KCNN1: variants seen among roughly 807,000 people sequenced by gnomAD.
KCNN1 encodes the protein small conductance calcium-activated potassium channel protein 1.
In KCNN1, 20 loss-of-function variants were observed where a neutral mutation model predicts 44.7. That is an observed-to-expected ratio of 0.45 (90% CI 0.32 to 0.65). The LOEUF (loss-of-function observed/expected upper bound fraction) is 0.65, where lower values mean the gene tolerates loss of function less well. Among genes scored for constraint, KCNN1 ranks in the 30% least tolerant of loss-of-function variants. KCNN1 has a pLI of 0.05. For synonymous variants in KCNN1, 324 were observed against 341.7 expected (o/e 0.95, Z 0.57); for missense variants, 632 against 785.3 (o/e 0.80, Z 2.33).
chr19:17,964,078 G>A (rs2031743044), upstream of KCNN1, among the ~76,000 whole-genome samples: 2 of 152,198 alleles, frequency 1.3e-5, no homozygotes, highest in South Asian at 4.1e-4. The surrounding 1 kb of genome is among the most constrained non-coding windows in gnomAD (Gnocchi z 4.3). Context: ...CCCAGCACCA[G>A]GCTCAGAGAA....
rs768174186 is a variant in KCNN1 at position 17,988,475 on chromosome 19, G to T, written c.1120G>T (p.Ala374Ser). 2 of 1,613,884 alleles carry T rather than the reference G, an allele frequency of 1.2e-6. No individual in the cohort carries two copies. The highest frequency in any genetic ancestry group is 1.7e-6 in the Non-Finnish European group (2 of 1,179,954). Residue 374 changes from alanine (A) to serine (S), a missense_variant, in exon 6 of 10, where the codon GCT becomes TCT. Physicochemically the swap from Ala to Ser is moderately conservative, Grantham distance 99. Coordinates refer to ENST00000684775, the MANE Select transcript of KCNN1 (RefSeq NM_001386974.1). ...VVARKLELTK[A>S]EKHVHNFMMD... is the part of the protein sequence containing the mutation. The stretch of plus-strand genomic sequence containing the variant: ...GGCTCGGAAGCTGGAGCTCACCAAG[G>T]CTGAGAAGCACGTGCACAACTTCAT...
intron 6 of KCNN1, 71 bp downstream of exon 6, chr19:17,988,596 C>T (rs1211462999): frequency 2.7e-6 from 3 of 1,128,400 alleles, no homozygotes; most frequent in Non-Finnish European, 3.9e-6. Context: ...CCTGCTTTCC[C>T]TCTGTACGTG....
intron 1 of KCNN1, among the ~76,000 whole-genome samples, chr19:17,969,583 C>G (rs1009097993): frequency 2.6e-5 from 4 of 152,138 alleles, no homozygotes; most frequent in Admixed American, 2.0e-4. Flanking sequence ...CACCTTAGGA[C>G]GCGGCTGCCA....
chr19:17,990,387 G>A (rs958215645), intron 7 of KCNN1, among the ~76,000 whole-genome samples: 1 of 151,184 alleles, frequency 6.6e-6, no homozygotes, highest in African/African-American at 2.5e-5. Flanking sequence ...GGGAGGCTGA[G>A]GTGGAAGGAT....
Position 17,989,722 on chromosome 19 carries a change from A to T in KCNN1, c.1177A>T (p.Asn393Tyr). The T allele has an allele frequency of 1.2e-6, 2 of 1,613,818 alleles. No homozygotes were observed. Residue 393 changes from asparagine (N) to tyrosine (Y), a missense_variant, in exon 7 of 10, where the codon AAC becomes TAC. Coordinates refer to ENST00000684775, the MANE Select transcript of KCNN1 (RefSeq NM_001386974.1). ...GTTCTTTTTCTGGCCCCAGGTAAAA[A>T]ACGCCGCTGCTAACGTTCTCAGGGA... ...MDTQLTKRVK[N>Y]AAANVLRETW... is the part of the protein sequence containing the mutation.
chr19:17,970,444 A>C (rs1046233183), intron 1 of KCNN1, among the ~76,000 whole-genome samples: 1 of 151,032 alleles, frequency 6.6e-6, no homozygotes, highest in Non-Finnish European at 1.5e-5. Flanking sequence ...CAGCCTCCCA[A>C]GTAGCTGGGA....
At chr19:17,959,978 G>C (rs1170715925) in intron 2 of KCNN1, among the ~76,000 whole-genome samples, 1 of 151,988 alleles carries the variant, frequency 6.6e-6, no homozygotes, top group Non-Finnish European at 1.5e-5. Context: ...AGCTACTCAG[G>C]AGGCTGAGAC....
At position 17,993,596 on chromosome 19, in the gene KCNN1, G is replaced by T; in HGVS notation, c.1377+37G>T. ...GGGGCAGGGTGGGCCAGACAGGGCA[G>T]GTGGGGCCCCGGAGCAGATGGGATG... is the stretch of plus-strand genomic sequence containing the variant. On this transcript the variant is annotated intron_variant, in intron 9 of 9. Transcript: ENST00000684775. The surrounding 1 kb of genome is among the most constrained non-coding windows in gnomAD (Gnocchi z 4.5). 6.3e-7 allele frequency: 1 copy of T among 1,599,756 alleles called. No individual in the cohort carries two copies. The highest frequency in any genetic ancestry group is 8.6e-7 in the Non-Finnish European group (1 of 1,167,354).
chr19:17,961,743 C>T (rs1475744109), intron 2 of KCNN1, among the ~76,000 whole-genome samples: 1 of 152,018 alleles, frequency 6.6e-6, no homozygotes, highest in African/African-American at 2.4e-5. Flanking sequence ...CTACCATGCT[C>T]AGCTAAGTTT....
intron 2 of KCNN1, among the ~76,000 whole-genome samples, chr19:17,959,842 T>A (rs944154493): frequency 6.6e-6 from 1 of 151,994 alleles, no homozygotes; most frequent in African/African-American, 2.4e-5. Context: ...CCTAGCACTT[T>A]GGGAGGCTGA....
intron 9 of KCNN1, among the ~76,000 whole-genome samples, chr19:17,994,582 C>A (rs1435583511): frequency 2.0e-5 from 3 of 151,700 alleles, no homozygotes; most frequent in African/African-American, 7.3e-5. Context: ...CTTGCTCTGT[C>A]ACCCAGGCTG....
In KCNN1 at chr19:17,983,799, AC is replaced by A. The variant is rs541945898; in HGVS notation, c.918-1506del. On this transcript the variant is annotated intron_variant, in intron 4 of 9. Coordinates refer to ENST00000684775, the MANE Select transcript of KCNN1 (RefSeq NM_001386974.1). This position sits in a 1 kb window ranked among gnomAD's most constrained non-coding sequence, Gnocchi z 4.5. Reference sequence around the variant, plus strand: ...CTCACCCACCCACCGACTAGAGGGCACCCCCCCGCCCCTCCTGCCCTCTGGG... The same window carrying A: ...CTCACCCACCCACCGACTAGAGGGCACCCCCCGCCCCTCCTGCCCTCTGGG... 6.7e-6 allele frequency among the ~76,000 whole-genome samples: 1 copy of A among 149,008 alleles called. No homozygotes were observed. Among genetic ancestry groups the A allele is most frequent in the East Asian group, 2.0e-4 (1 of 5,042 alleles).
rs370682509 is a variant in KCNN1 at position 17,988,486 on chromosome 19, C to T, written c.1131C>T (p.His377=). Residue 377 remains histidine, a synonymous_variant, in exon 6 of 10, where the codon CAC becomes CAT. Coordinates refer to ENST00000684775, the MANE Select transcript of KCNN1 (RefSeq NM_001386974.1). ...RKLELTKAEK[H]VHNFMMDTQL... The stretch of plus-strand genomic sequence containing the variant: ...TGGAGCTCACCAAGGCTGAGAAGCA[C>T]GTGCACAACTTCATGATGGACACTC... 1.4e-5 allele frequency: 22 copies of T among 1,613,754 alleles called. No individual in the cohort carries two copies. Among genetic ancestry groups the T allele is most frequent in the African/African-American group, 1.1e-4 (8 of 74,930 alleles).
Position 17,987,414 on chromosome 19 carries a change from T to C in KCNN1, c.1060-1001T>C, listed in dbSNP as rs113729076. On this transcript the variant is annotated intron_variant, in intron 5 of 9. Transcript: ENST00000684775. ...TGCAAGCCACTGCACCTGGTCCGTG[T>C]CTGCTTTTTTGCTGGCAGCCCAGCA... Among the ~76,000 whole-genome samples, 1,254 of 152,252 alleles carry C rather than the reference T, an allele frequency of 8.2e-3. 7 individuals carry two copies. The highest frequency in any genetic ancestry group is 0.028 in the African/African-American group (1,145 of 41,552).
intron 2 of KCNN1, among the ~76,000 whole-genome samples, chr19:17,958,968 G>A (rs948618363): frequency 2.7e-5 from 4 of 149,730 alleles, no homozygotes; most frequent in Non-Finnish European, 5.9e-5. Flanking sequence ...CTAAAGTGCT[G>A]GGATTACAGG....
intron 1 of KCNN1, among the ~76,000 whole-genome samples, chr19:17,952,832 C>G (rs2031447811): frequency 6.6e-6 from 1 of 152,114 alleles, no homozygotes; most frequent in South Asian, 2.1e-4. Context: ...TTTCCCTAAG[C>G]TCCCTCCCTT....
intron 2 of KCNN1, among the ~76,000 whole-genome samples, chr19:17,958,720 C>T (rs1013087332): frequency 2.4e-5 from 3 of 125,328 alleles, no homozygotes; most frequent in East Asian, 2.6e-4. Context: ...ATTTATGAGA[C>T]GGAGTCTTGC....
Position 17,974,393 on chromosome 19 carries a change from A to C in KCNN1, c.402+103A>C, listed in dbSNP as rs1401380194. On this transcript the variant is annotated intron_variant, in intron 2 of 9. Transcript: ENST00000684775. This position sits in a 1 kb window ranked among gnomAD's most constrained non-coding sequence, Gnocchi z 7.3. ...TGGCAGGGCCCCCCGGGAGATAGGG[A>C]GTGTTAGGGGGCTCCCGGAGGTGAG... is the stretch of plus-strand genomic sequence containing the variant. 7.6e-7 allele frequency: 1 copy of C among 1,323,246 alleles called. No individual in the cohort carries two copies. The highest frequency in any genetic ancestry group is 1.0e-6 in the Non-Finnish European group (1 of 995,774). The allele number at this position is 1,323,246 out of a possible 1,614,324, so 82.0% of individuals were successfully genotyped here.
chr19:17,965,993 A>ATGCCTGCCTGCC (rs200975232), upstream of KCNN1, among the ~76,000 whole-genome samples: 6 of 144,862 alleles, frequency 4.1e-5, no homozygotes, highest in African/African-American at 1.3e-4. Flanking sequence ...TCCCTCATTC[A>ATGCCTGCCTGCC]TGCCTGCCTG....
Sources: gnomAD v4.1 joint callset for allele counts (sites outside exome capture counted in the v4.1 genomes callset) on GRCh38, gnomAD v4.1.1 for gene constraint, Gnocchi (gnomAD v3.1) non-coding constraint, MANE v1.5 for transcripts, NCBI Gene and HGNC (gene_info 2026-07-23, HGNC 2026-07-21) for gene names.